The following FMN2 variants were observed in gnomAD, a reference collection of about 807,000 sequenced individuals.
FMN2 encodes the protein formin-2.
Under a neutral mutation model 142.3 loss-of-function variants are expected in FMN2, and 51 were observed. The observed-to-expected ratio is 0.36, with a 90% CI of 0.29 to 0.45. The LOEUF (loss-of-function observed/expected upper bound fraction) is 0.45, where lower values mean the gene tolerates loss of function less well. Among genes scored for constraint, FMN2 ranks in the 20% least tolerant of loss-of-function variants. The probability of loss-of-function intolerance (pLI) is 1.00; values close to 1 mark genes in which losing one functional copy is unlikely to be tolerated. For missense variants in FMN2, 1,936 were observed against 2,122.8 expected, an observed-to-expected ratio of 0.91 and a Z score of 1.73; for synonymous variants, 882 against 869.8, an observed-to-expected ratio of 1.01 and a Z score of -0.25.
chr1:240,316,044 A>T (rs1353427614), intron 8 of FMN2, among the ~76,000 whole-genome samples: 1 of 152,182 alleles, frequency 6.6e-6, no homozygotes, highest in East Asian at 1.9e-4. Context: ...CCCCTCCAAT[A>T]AATATTTAGA....
At chr1:240,409,484 C>T (rs995936398) in intron 15 of FMN2, among the ~76,000 whole-genome samples, 5 of 152,052 alleles carry the variant, frequency 3.3e-5, no homozygotes, top group African/African-American at 7.2e-5. Context: ...TTAGGGTGTA[C>T]GTTTGCATAA....
intron 6 of FMN2, among the ~76,000 whole-genome samples, chr1:240,235,415 T>TG (rs1344719915): frequency 8.0e-5 from 11 of 137,406 alleles, no homozygotes; most frequent in East Asian, 2.2e-4. Flanking sequence ...ATTAATTTTT[T>TG]GTTTTTTTTT....
chr1:240,465,014 A>G (rs1166110112), intron 16 of FMN2, among the ~76,000 whole-genome samples: 1 of 152,000 alleles, frequency 6.6e-6, no homozygotes, highest in East Asian at 1.9e-4. Flanking sequence ...GATAATGATA[A>G]GTGACTTGGG....
chr1:240,437,317 G>T (rs9729192), intron 15 of FMN2, among the ~76,000 whole-genome samples: 2 of 129,152 alleles, frequency 1.5e-5, no homozygotes, highest in Admixed American at 1.7e-4. Context: ...TTTTTGAGAC[G>T]GAGTCTGGCT....
intron 15 of FMN2, among the ~76,000 whole-genome samples, chr1:240,397,095 T>G (rs1673806520): frequency 6.6e-6 from 1 of 152,208 alleles, no homozygotes; most frequent in African/African-American, 2.4e-5. Context: ...ACATTCCCTT[T>G]CCTGCACAGC....
intron 14 of FMN2, among the ~76,000 whole-genome samples, chr1:240,376,883 A>G (rs1283097828): frequency 6.6e-6 from 1 of 152,116 alleles, no homozygotes; most frequent in African/African-American, 2.4e-5. Flanking sequence ...CCTTTAATTT[A>G]TCACAGTCTA....
intron 2 of FMN2, among the ~76,000 whole-genome samples, chr1:240,126,092 G>A (rs1031186685): frequency 7.2e-5 from 11 of 152,136 alleles, no homozygotes; most frequent in Non-Finnish European, 1.2e-4. Flanking sequence ...AGAACTATGC[G>A]TTCATTGGAT....
chr1:240,456,616 C>G (rs1283861402), intron 16 of FMN2, among the ~76,000 whole-genome samples: 1 of 152,126 alleles, frequency 6.6e-6, no homozygotes, highest in East Asian at 1.9e-4. Flanking sequence ...GCCACCATGC[C>G]CGGCTAACTT....
chr1:240,451,401 G>A (rs1017182973), intron 16 of FMN2, among the ~76,000 whole-genome samples: 2 of 151,988 alleles, frequency 1.3e-5, no homozygotes, highest in Non-Finnish European at 2.9e-5. Context: ...AATTGCAGGT[G>A]TGTTGGCTGA....
chr1:240,253,046 T>G (rs767176664), intron 6 of FMN2, among the ~76,000 whole-genome samples: 1 of 146,914 alleles, frequency 6.8e-6, no homozygotes, highest in East Asian at 2.1e-4. Context: ...TCTGACTCCC[T>G]GGTTCAAGCG....
At chr1:240,427,494 C>T (rs1443624555) in intron 15 of FMN2, among the ~76,000 whole-genome samples, 1 of 152,146 alleles carries the variant, frequency 6.6e-6, no homozygotes, top group Non-Finnish European at 1.5e-5. Context: ...CATGAGCCAC[C>T]GCACCTGGCC....
Position 240,207,282 on chromosome 1 carries a change from C to T in FMN2, c.2470C>T (p.Gln824Ter). 6.2e-7 allele frequency: 1 copy of T among 1,613,986 alleles called. No homozygotes were observed. The highest frequency in any genetic ancestry group is 8.5e-7 in the Non-Finnish European group (1 of 1,179,926). The change falls in exon 5 of 18, where the codon CAG becomes TAG. Residue 824 changes from glutamine to a stop codon, truncating the protein, a stop_gained. Transcript: ENST00000319653. LOFTEE classifies it high-confidence loss of function. Reference protein sequence around the residue: ...PSLLWSAGQGQPGSQPPHSIS... With the variant: ...PSLLWSAGQG ...CCTTCTGTGGTCTGCTGGGCAAGGA[C>T]AGCCTGGGTCACAGCCGCCCCATTC... is the stretch of plus-strand genomic sequence containing the variant.
At chr1:240,116,027 G>A (rs1033381069) in intron 1 of FMN2, among the ~76,000 whole-genome samples, 12 of 152,136 alleles carry the variant, frequency 7.9e-5, no homozygotes, top group African/African-American at 2.4e-4. Flanking sequence ...TGGCGCTGGC[G>A]GGTCCATGCT....
At chr1:240,274,908 C>T (rs192176196) in intron 7 of FMN2, among the ~76,000 whole-genome samples, 153 of 151,940 alleles carry the variant, frequency 1.0e-3, no homozygotes, top group Non-Finnish European at 1.5e-3. Flanking sequence ...GGTTTGGGAG[C>T]GGAAGATCAG....
chr1:240,201,244 C>T (rs1179505852), intron 4 of FMN2, among the ~76,000 whole-genome samples: 1 of 152,146 alleles, frequency 6.6e-6, no homozygotes, highest in Non-Finnish European at 1.5e-5. Flanking sequence ...TGTTATTATC[C>T]ACCATCCTTT....
chr1:240,298,064 C>A (rs1401309517), intron 8 of FMN2, among the ~76,000 whole-genome samples: 1 of 152,172 alleles, frequency 6.6e-6, no homozygotes. Context: ...AGGTTTCAAC[C>A]TATGGAACTG....
intron 16 of FMN2, among the ~76,000 whole-genome samples, chr1:240,460,442 CT>C (rs1676411362): frequency 6.6e-6 from 1 of 151,924 alleles, no homozygotes; most frequent in Admixed American, 6.6e-5. Flanking sequence ...AAGTACAAAA[CT>C]TAGCTGGGCG....
intron 13 of FMN2, among the ~76,000 whole-genome samples, chr1:240,334,772 C>T (rs990312039): frequency 6.6e-6 from 1 of 152,092 alleles, no homozygotes; most frequent in Non-Finnish European, 1.5e-5. Context: ...GTAGCATTTA[C>T]AAAAAAGCAA....
chr1:240,226,416 G>A (rs1667302314), intron 6 of FMN2, among the ~76,000 whole-genome samples: 1 of 152,206 alleles, frequency 6.6e-6, no homozygotes, highest in Non-Finnish European at 1.5e-5. Flanking sequence ...TGTTCAACCA[G>A]TCATCTTACA....
Sources: gnomAD v4.1 joint callset for allele counts (sites outside exome capture counted in the v4.1 genomes callset) on GRCh38, gnomAD v4.1.1 for gene constraint, MANE v1.5 for transcripts, NCBI Gene and HGNC (gene_info 2026-07-23, HGNC 2026-07-21) for gene names.